Variants in ATPAF2 observed in about 807,000 individuals in gnomAD.
ATPAF2 encodes the protein ATP synthase mitochondrial F1 complex assembly factor 2.
A neutral mutation model predicts 36.6 loss-of-function variants in ATPAF2; 30 were observed. The observed-to-expected ratio is 0.82, with a 90% CI of 0.61 to 1.11. The LOEUF (loss-of-function observed/expected upper bound fraction) is 1.11, where lower values mean the gene tolerates loss of function less well. Ranked by LOEUF, ATPAF2 falls within the 50% of genes most tolerant of loss-of-function variation. The pLI is 0.00. For synonymous variants in ATPAF2, 140 were observed against 152.6 expected (o/e 0.92, Z 0.61); for missense variants, 321 against 372.3 (o/e 0.86, Z 1.13).
In ATPAF2 at chr17:18,039,021, G is replaced by T; in HGVS notation, c.-8C>A. ...GAGGCAGCTCCTCCACATCGCGCCC[G>T]AGGGTCTGGGAAGATGCGAGACGCG... is the stretch of plus-strand genomic sequence containing the variant. On this transcript the variant is annotated 5_prime_UTR_variant, in exon 1 of 8. Transcript: ENST00000474627. This position sits in a 1 kb window ranked among gnomAD's most constrained non-coding sequence, Gnocchi z 5.3. 6.3e-7 allele frequency: 1 copy of T among 1,592,690 alleles called. No homozygotes were observed. Among genetic ancestry groups the T allele is most frequent in the South Asian group, 1.1e-5 (1 of 89,398 alleles).
At chr17:18,037,123 T>C (rs2145527893) in intron 1 of ATPAF2, among the ~76,000 whole-genome samples, 1 of 152,292 alleles carries the variant, frequency 6.6e-6, no homozygotes, top group South Asian at 2.1e-4. Context: ...CCTTTGCTTT[T>C]TGCCAACTTG....
At chr17:18,024,924 C>G (rs2044522623) in intron 4 of ATPAF2, 1 of 570,770 alleles carries the variant, frequency 1.8e-6, no homozygotes, top group East Asian at 3.1e-5. Context: ...TGCATGCCTA[C>G]AGAAATCAGA....
intron 3 of ATPAF2, among the ~76,000 whole-genome samples, chr17:18,027,736 T>A (rs539305338): frequency 3.1e-4 from 47 of 152,284 alleles, no homozygotes; most frequent in African/African-American, 9.9e-4. Flanking sequence ...ACCTCACCCA[T>A]CTGCCTCCAG....
intron 1 of ATPAF2, among the ~76,000 whole-genome samples, chr17:18,032,501 G>A (rs569211591): frequency 2.6e-5 from 4 of 152,334 alleles, no homozygotes; most frequent in East Asian, 1.9e-4. Flanking sequence ...CCCAGGGGCC[G>A]CCAGGCCTCA....
chr17:18,030,721 G>A (rs2044618515), intron 1 of ATPAF2, among the ~76,000 whole-genome samples: 1 of 142,018 alleles, frequency 7.0e-6, no homozygotes, highest in Admixed American at 7.2e-5. Context: ...ACGCTGGAGT[G>A]CAGTAGCGCG....
chr17:18,019,183 A>ACACACACACACACACCAC (rs1396685458), intron 7 of ATPAF2, among the ~76,000 whole-genome samples: 1 of 150,716 alleles, frequency 6.6e-6, no homozygotes, highest in African/African-American at 2.5e-5. Flanking sequence ...ACACACACAC[A>ACACACACACACACACCAC]CACCCCACCA....
intron 1 of ATPAF2, among the ~76,000 whole-genome samples, chr17:18,035,885 C>T (rs1475435656): frequency 2.6e-5 from 4 of 152,192 alleles, no homozygotes; most frequent in Admixed American, 1.3e-4. Flanking sequence ...GTCTTGGTGA[C>T]AGACAACTGG....
downstream of ATPAF2, chr17:18,015,112 CT>C: frequency 6.6e-6 from 1 of 152,226 alleles, no homozygotes; most frequent in Non-Finnish European, 1.5e-5. Flanking sequence ...CTTCAGAATA[CT>C]TTGTGCCCAG....
chr17:18,037,135 T>C (rs1284313321), intron 1 of ATPAF2, among the ~76,000 whole-genome samples: 1 of 152,222 alleles, frequency 6.6e-6, no homozygotes, highest in African/African-American at 2.4e-5. Context: ...GCCAACTTGG[T>C]GAACTCCTGA....
In ATPAF2 at chr17:18,038,894, G is replaced by A; in HGVS notation, c.120C>T (p.Tyr40=). ...GPTIPSPARA[Y]APPTERKRFY... is the part of the protein sequence containing the mutation. ...TCATGGTCTTACCTGTCGGCGGGGC[G>A]TAAGCCCGGGCTGGAGACGGGATGG... The change falls in exon 1 of 8, where the codon TAC becomes TAT. Residue 40 remains tyrosine, a synonymous_variant. Coordinates refer to ENST00000474627, the MANE Select transcript of ATPAF2 (RefSeq NM_145691.4). 6.2e-7 allele frequency: 1 copy of A among 1,613,982 alleles called. No individual in the cohort carries two copies. The highest frequency in any genetic ancestry group is 8.5e-7 in the Non-Finnish European group (1 of 1,179,862).
chr17:18,026,600 C>G (rs1413892012), intron 3 of ATPAF2, 184 bp from the exon 4 acceptor site: 1 of 634,912 alleles, frequency 1.6e-6, no homozygotes, highest in Non-Finnish European at 2.8e-6. Flanking sequence ...AGGCTCCATG[C>G]CAAATGCTTT....
intron 1 of ATPAF2, among the ~76,000 whole-genome samples, chr17:18,031,185 C>G (rs1284305372): frequency 6.6e-6 from 1 of 150,944 alleles, no homozygotes; most frequent in African/African-American, 2.4e-5. Flanking sequence ...CCATGTTAGC[C>G]AGGATGGTCT....
At chr17:18,021,923 C>T in intron 5 of ATPAF2, 66 bp from the exon 6 acceptor site, 1 of 1,416,136 alleles carries the variant, frequency 7.1e-7, no homozygotes, top group Non-Finnish European at 1.0e-6. Flanking sequence ...CACCTTTTGA[C>T]TAGAAACAAA....
chr17:18,023,194 G>C (rs1340861015), intron 5 of ATPAF2, among the ~76,000 whole-genome samples: 1 of 149,690 alleles, frequency 6.7e-6, no homozygotes, highest in African/African-American at 2.5e-5. Flanking sequence ...CACTTCAGGA[G>C]AATGAGGTGG....
At chr17:18,029,739 C>T (rs2044599970) in intron 1 of ATPAF2, among the ~76,000 whole-genome samples, 1 of 151,748 alleles carries the variant, frequency 6.6e-6, no homozygotes, top group Non-Finnish European at 1.5e-5. Context: ...TACAGGCATG[C>T]GCCAACACAC....
chr17:18,018,665 C>A lies in ATPAF2; in HGVS notation c.754G>T (p.Glu252Ter). 6.2e-7 allele frequency: 1 copy of A among 1,614,052 alleles called. No homozygotes were observed. Among genetic ancestry groups the A allele is most frequent in the Non-Finnish European group, 8.5e-7 (1 of 1,180,026 alleles). The change falls in exon 8 of 8, where the codon GAG becomes TAG. Residue 252 changes from glutamate to a stop codon, truncating the protein, a stop_gained. Transcript: ENST00000474627. LOFTEE classifies it high-confidence loss of function. ...TGCAGCTCATAGTCATGGGCCCACT[C>A]AATGTTGCCCCACTTCTGGATCTGA... ...EYQIQKWGNI[E>*]WAHDYELQEL... is the part of the protein sequence containing the mutation.
At chr17:18,026,277 T>C (rs371027134) in intron 4 of ATPAF2, 42 bp downstream of exon 4, 26 of 1,548,570 alleles carry the variant, frequency 1.7e-5, no homozygotes, top group African/African-American at 2.7e-5. Context: ...TCAGGAAAAA[T>C]AGCCTCAATC....
downstream of ATPAF2, among the ~76,000 whole-genome samples, chr17:18,017,581 G>A (rs1023859495): frequency 6.6e-6 from 1 of 152,244 alleles, no homozygotes; most frequent in Non-Finnish European, 1.5e-5. Flanking sequence ...TGTCACCCCC[G>A]CAGCCCTGGT....
At position 18,022,739 on chromosome 17, in the gene ATPAF2, A is replaced by G. The variant is rs551671185; in HGVS notation, c.504-882T>C. Among the ~76,000 whole-genome samples, 11 of 152,030 alleles carry G rather than the reference A, an allele frequency of 7.2e-5. No homozygotes were observed. In the South Asian group the frequency reaches 8.3e-4, roughly 11 times the overall value. ...AGAAGATACATTTTCAAGAATAATC[A>G]TAACTAAATAAAACAGAAAAACACA... On this transcript the variant is annotated intron_variant, in intron 5 of 7. Transcript: ENST00000474627.
Sources: gnomAD v4.1 joint callset for allele counts (sites outside exome capture counted in the v4.1 genomes callset) on GRCh38, gnomAD v4.1.1 for gene constraint, Gnocchi (gnomAD v3.1) non-coding constraint, MANE v1.5 for transcripts, NCBI Gene and HGNC (gene_info 2026-07-23, HGNC 2026-07-21) for gene names.